The following ITPR2 variants were observed in gnomAD, a reference collection of about 807,000 sequenced individuals.
The protein encoded by ITPR2 is inositol 1,4,5-trisphosphate receptor type 2.
ITPR2 carries 207 observed loss-of-function variants against 317.1 expected under a neutral mutation model. The observed-to-expected ratio is 0.65, with a 90% CI of 0.58 to 0.73. The LOEUF (loss-of-function observed/expected upper bound fraction) is 0.73, where lower values mean the gene tolerates loss of function less well. Ranked by LOEUF, ITPR2 falls within the 30% of genes least tolerant of loss-of-function variation. The pLI, the probability that ITPR2 is intolerant of heterozygous loss-of-function variation, is 0.00. For missense variants in ITPR2, 2,613 were observed against 3,284.0 expected (o/e 0.80, Z 4.99); for synonymous variants, 1,156 against 1,149.1 (o/e 1.01, Z -0.12).
intron 13 of ITPR2, among the ~76,000 whole-genome samples, chr12:26,675,559 G>T (rs1403210470): frequency 2.0e-5 from 3 of 152,070 alleles, no homozygotes. Flanking sequence ...GGTGGGGGAA[G>T]GGGGGAGGGA....
At chr12:26,621,374 C>G in intron 25 of ITPR2, 78 bp from the exon 26 acceptor site, 2 of 1,062,888 alleles carry the variant, frequency 1.9e-6, no homozygotes, top group Non-Finnish European at 1.4e-6. Flanking sequence ...TGTATATTGA[C>G]CATGAAAACC....
chr12:26,741,936 C>A (rs1949236836), intron 2 of ITPR2, among the ~76,000 whole-genome samples: 1 of 152,066 alleles, frequency 6.6e-6, no homozygotes, highest in Non-Finnish European at 1.5e-5. Flanking sequence ...GGAGAGGGTT[C>A]CTAAAAGATG....
intron 52 of ITPR2, among the ~76,000 whole-genome samples, chr12:26,405,976 C>CA (rs978330863): frequency 2.0e-5 from 3 of 151,840 alleles, no homozygotes; most frequent in Admixed American, 6.6e-5. Context: ...AAAAACAAAA[C>CA]AAAAAAACCT....
chr12:26,562,982 G>A (rs1415145311), intron 34 of ITPR2, among the ~76,000 whole-genome samples: 3 of 150,246 alleles, frequency 2.0e-5, no homozygotes, highest in Non-Finnish European at 4.4e-5. Context: ...AAAGACAAAG[G>A]TAAGATACAA....
chr12:26,461,453 G>A (rs1942016842), intron 45 of ITPR2, among the ~76,000 whole-genome samples: 1 of 151,732 alleles, frequency 6.6e-6, no homozygotes, highest in African/African-American at 2.4e-5. Flanking sequence ...TATTGTCTAT[G>A]GCTGTTTTTT....
intron 21 of ITPR2, among the ~76,000 whole-genome samples, chr12:26,653,037 A>C (rs1319226758): frequency 6.6e-6 from 1 of 152,198 alleles, no homozygotes; most frequent in Non-Finnish European, 1.5e-5. Flanking sequence ...GGATATTGTT[A>C]TTACCATCTT....
At chr12:26,405,723 T>C (rs1269005542) in intron 52 of ITPR2, among the ~76,000 whole-genome samples, 1 of 152,140 alleles carries the variant, frequency 6.6e-6, no homozygotes, top group East Asian at 1.9e-4. Context: ...AATGAACACC[T>C]CTTGTGGGTG....
At chr12:26,650,875 C>T (rs764623116) in intron 21 of ITPR2, among the ~76,000 whole-genome samples, 5 of 152,124 alleles carry the variant, frequency 3.3e-5, no homozygotes, top group South Asian at 4.1e-4. Flanking sequence ...TTAACAACTA[C>T]GGTTCTTGGT....
At chr12:26,772,317 A>G (rs559284349) in intron 2 of ITPR2, among the ~76,000 whole-genome samples, 1 of 150,508 alleles carries the variant, frequency 6.6e-6, no homozygotes, top group African/African-American at 2.4e-5. Flanking sequence ...ACAGGAAATT[A>G]AAATCTTCAT....
intron 13 of ITPR2, among the ~76,000 whole-genome samples, chr12:26,680,710 C>T (rs972904710): frequency 2.0e-5 from 3 of 152,142 alleles, no homozygotes; most frequent in South Asian, 2.1e-4. Flanking sequence ...TTATTTTCAT[C>T]GCAAAACTGT....
intron 9 of ITPR2, among the ~76,000 whole-genome samples, chr12:26,707,392 T>A (rs1323554447): frequency 6.6e-6 from 1 of 152,184 alleles, no homozygotes; most frequent in East Asian, 1.9e-4. Flanking sequence ...ATCTGTGCCA[T>A]GGAGCCTCTA....
At chr12:26,699,606 T>C (rs1948409281) in intron 9 of ITPR2, among the ~76,000 whole-genome samples, 1 of 152,108 alleles carries the variant, frequency 6.6e-6, no homozygotes, top group Admixed American at 6.6e-5. Context: ...CATAGAGAGA[T>C]TACCTCAGTA....
intron 44 of ITPR2, among the ~76,000 whole-genome samples, chr12:26,475,888 A>C (rs1317027757): frequency 6.6e-6 from 1 of 152,184 alleles, no homozygotes; most frequent in African/African-American, 2.4e-5. Context: ...GTTTCTGAGG[A>C]AGCGCAGAGC....
At position 26,483,879 on chromosome 12, in the gene ITPR2, T is replaced by A; in HGVS notation, c.5831A>T (p.Asn1944Ile). ...RELQNFLRNQNNKTNYNLVCE... is the reference protein window; with the variant it reads ...RELQNFLRNQINKTNYNLVCE... ...GACTAGGTTGTAATTTGTTTTGTTG[T>A]TTTGATTCCTCAAGAAGTTCTGAAG... The change falls in exon 42 of 57, where the codon AAC (asparagine) becomes ATC (isoleucine). Residue 1944 changes from asparagine to isoleucine, a missense_variant. Physicochemically the swap from Asn to Ile is moderately radical, Grantham distance 149. Transcript: ENST00000381340. The A allele has an allele frequency of 6.2e-7, 1 of 1,614,094 alleles. No homozygotes were observed. The highest frequency in any genetic ancestry group is 8.5e-7 in the Non-Finnish European group (1 of 1,179,962).
At chr12:26,543,609 A>G (rs1228751531) in intron 37 of ITPR2, among the ~76,000 whole-genome samples, 2 of 152,156 alleles carry the variant, frequency 1.3e-5, no homozygotes, top group African/African-American at 2.4e-5. Flanking sequence ...CCCTGTTTCT[A>G]CTAAAAATAC....
At chr12:26,428,166 A>G in intron 48 of ITPR2, 78 bp from the exon 49 acceptor site, 1 of 1,089,588 alleles carries the variant, frequency 9.2e-7, no homozygotes, top group Non-Finnish European at 1.3e-6. Flanking sequence ...TCTACTTTAT[A>G]TGGTATCATT....
At position 26,494,165 on chromosome 12, in the gene ITPR2, A is replaced by G. The variant is rs1162208877; in HGVS notation, c.5358T>C (p.Asn1786=). The G allele has an allele frequency of 6.2e-7, 1 of 1,611,350 alleles. No individual in the cohort carries two copies. The highest frequency in any genetic ancestry group is 1.1e-5 in the South Asian group (1 of 90,648). Residue 1786 remains asparagine, a synonymous_variant, in exon 39 of 57, where the codon AAT becomes AAC. Coordinates refer to ENST00000381340, the MANE Select transcript of ITPR2 (RefSeq NM_002223.4). ...GATGAACAAGTACCTGTGTTTGTGT[A>G]TTTCCTCCTTCAAGCAAGGCAATGC... ...FLGIALLEGG[N]TQTQYSFYQQ...
intron 2 of ITPR2, among the ~76,000 whole-genome samples, chr12:26,786,697 A>C (rs1265808997): frequency 2.6e-5 from 4 of 152,244 alleles, no homozygotes; most frequent in Non-Finnish European, 5.9e-5. Context: ...TGGTTGCCAC[A>C]GTCAAAAACA....
chr12:26,704,388 G>A (rs114589180), intron 9 of ITPR2, among the ~76,000 whole-genome samples: 25 of 152,224 alleles, frequency 1.6e-4, no homozygotes, highest in African/African-American at 5.5e-4. Flanking sequence ...TATAAATCAC[G>A]GAAGTGACTG....
Sources: gnomAD v4.1 joint callset for allele counts (sites outside exome capture counted in the v4.1 genomes callset) on GRCh38, gnomAD v4.1.1 for gene constraint, MANE v1.5 for transcripts, NCBI Gene and HGNC (gene_info 2026-07-23, HGNC 2026-07-21) for gene names.